Variants in CENPF observed in about 807,000 individuals in gnomAD.
CENPF encodes the protein AH antigen.
A neutral mutation model predicts 307.3 loss-of-function variants in CENPF; 214 were observed. That is an observed-to-expected ratio of 0.70 (90% CI 0.62 to 0.78). CENPF has a LOEUF of 0.78. Among genes scored for constraint, CENPF ranks in the 30% least tolerant of loss-of-function variants. The pLI, the probability that CENPF is intolerant of heterozygous loss-of-function variation, is 0.00. For synonymous variants in CENPF, 1,259 were observed against 1,270.6 expected (o/e 0.99, Z 0.19); for missense variants, 3,401 against 3,483.9 (o/e 0.98, Z 0.60).
intron 16 of CENPF, chr1:214,654,220 G>A (rs1329952785): frequency 2.0e-5 from 3 of 152,000 alleles, no homozygotes; most frequent in Admixed American, 2.0e-4. Flanking sequence ...TTGCATAATC[G>A]AATTCATATT....
intron 10 of CENPF, among the ~76,000 whole-genome samples, chr1:214,636,618 C>T (rs1657973747): frequency 1.3e-5 from 2 of 152,190 alleles, no homozygotes; most frequent in Admixed American, 6.5e-5. Flanking sequence ...TTTGCTACAT[C>T]GGTACCCATC....
intron 16 of CENPF, chr1:214,653,749 T>C (rs940234118): frequency 1.3e-5 from 2 of 152,224 alleles, no homozygotes; most frequent in African/African-American, 4.8e-5. Context: ...ATGGCTCTTA[T>C]ACAACTATCA....
intron 1 of CENPF, chr1:214,605,686 G>A: frequency 6.3e-7 from 1 of 1,588,876 alleles, no homozygotes; most frequent in East Asian, 2.2e-5. Flanking sequence ...TAGGCGAGCT[G>A]GCTGGCAGCT....
At chr1:214,632,374 G>A in intron 9 of CENPF, 106 bp from the exon 10 acceptor site, 1 of 1,229,248 alleles carries the variant, frequency 8.1e-7, no homozygotes, top group East Asian at 2.4e-5. Flanking sequence ...CAAAATAGAT[G>A]GCATCCATTT....
chr1:214,656,034 A>C (rs1658623484), intron 17 of CENPF, among the ~76,000 whole-genome samples: 1 of 152,174 alleles, frequency 6.6e-6, no homozygotes, highest in Non-Finnish European at 1.5e-5. Flanking sequence ...TTGTCAATAG[A>C]TTGGCATCAG....
intron 14 of CENPF, among the ~76,000 whole-genome samples, chr1:214,651,339 G>A (rs954426699): frequency 6.6e-6 from 1 of 152,188 alleles, no homozygotes; most frequent in Non-Finnish European, 1.5e-5. Context: ...AGGGGATTTG[G>A]TGTGAAGATG....
At chr1:214,613,597 C>A in intron 1 of CENPF, 117 bp from the exon 2 acceptor site, 1 of 669,498 alleles carries the variant, frequency 1.5e-6, no homozygotes, top group Non-Finnish European at 2.5e-6. Flanking sequence ...ACTTTGTTAT[C>A]TTTTGAAATG....
chr1:214,648,646 G>A (rs373768836), intron 13 of CENPF, 29 bp from the exon 14 acceptor site: 206 of 1,609,610 alleles, frequency 1.3e-4, no homozygotes, highest in Non-Finnish European at 1.6e-4. Flanking sequence ...CCACCAAAAA[G>A]CAGATTCTAA....
In CENPF at chr1:214,646,026, T is replaced by TA. The variant is rs1658289051; in HGVS notation, c.6458dup (p.Asp2154GlyfsTer2). The TA allele has an allele frequency of 3.1e-6, 5 of 1,613,938 alleles. No homozygotes were observed. The highest frequency in any genetic ancestry group is 3.3e-5 in the Admixed American group (2 of 59,992). On this transcript the variant is annotated frameshift_variant, in exon 13 of 20. Transcript: ENST00000366955. LOFTEE classifies it high-confidence loss of function. ...AACGCGAGCGGGAGAATGATTCACT[T>TA]AAGGATAAAGTTGAGAACCTTGAAA...
At position 214,659,030 on chromosome 1, in the gene CENPF, T is replaced by G; in HGVS notation, c.9141+2T>G. 5.0e-6 allele frequency: 8 copies of G among 1,613,866 alleles called. No homozygotes were observed. The highest frequency in any genetic ancestry group is 6.8e-6 in the Non-Finnish European group (8 of 1,179,926). The stretch of plus-strand genomic sequence containing the variant: ...GCTGGTGGCAGCAGATCACAAAAGG[T>G]AAACTACTGTCAACATCCGTCTACT... On this transcript the variant is annotated splice_donor_variant, in intron 19 of 19. Transcript: ENST00000366955. LOFTEE classifies it high-confidence loss of function. This position sits in a 1 kb window ranked among gnomAD's most constrained non-coding sequence, Gnocchi z 4.4.
chr1:214,620,788 C>T lies in CENPF; in HGVS notation c.707C>T (p.Pro236Leu), dbSNP rs1399834970. Reference protein sequence around the residue: ...SHLSSNSQRTPIRRDFSASYF... With the variant: ...SHLSSNSQRTLIRRDFSASYF... ...CTTTCATCTAATTCTCAAAGAACTC[C>T]AATTAGGAGAGATTTCTCTGCATCT... Residue 236 changes from proline to leucine, a missense_variant, in exon 6 of 20, where the codon CCA becomes CTA. Transcript: ENST00000366955. 1.9e-6 allele frequency: 3 copies of T among 1,614,110 alleles called. No individual in the cohort carries two copies. Among genetic ancestry groups the T allele is most frequent in the East Asian group, 2.2e-5 (1 of 44,872 alleles).
rs899778444 is a variant in CENPF, at chr1:214,664,027, T to G, written c.*233T>G. 7 of 474,826 alleles carry G rather than the reference T, an allele frequency of 1.5e-5. No individual in the cohort carries two copies. The highest frequency in any genetic ancestry group is 1.2e-4 in the African/African-American group (6 of 52,020). The allele number at this position is 474,826 out of a possible 1,614,324, so 29.4% of individuals were successfully genotyped here. ...TTCCTCTACTGCAATGTAAATAGTA[T>G]AAAGCTATGTATATAAAGCTTTTTG... On this transcript the variant is annotated 3_prime_UTR_variant, in exon 20 of 20. Transcript: ENST00000366955.
Position 214,618,655 on chromosome 1 carries a change from A to T in CENPF, c.442A>T (p.Ile148Phe), listed in dbSNP as rs936369720. The part of the protein sequence containing the change: ...SLNPCNTPQK[I>F]FTTPLTPSQY... Reference sequence around the variant, plus strand: ...GAATCCATGCAATACACCACAAAAAATTTTTACAACTCCACTAACACCAAG... The same window carrying T: ...GAATCCATGCAATACACCACAAAAATTTTTTACAACTCCACTAACACCAAG... The change falls in exon 4 of 20, where the codon ATT becomes TTT. Residue 148 changes from isoleucine (I) to phenylalanine (F), a missense_variant. By Grantham distance (21) the Ile-to-Phe change is conservative (BLOSUM62 0). Transcript: ENST00000366955. 3 of 1,613,894 alleles carry T rather than the reference A, an allele frequency of 1.9e-6. No homozygotes were observed. The highest frequency in any genetic ancestry group is 2.7e-5 in the African/African-American group (2 of 74,920).
In CENPF at chr1:214,664,451, G is replaced by A. The variant is rs1658867232; in HGVS notation, c.*657G>A. 6.6e-6 allele frequency: 1 copy of A among 152,212 alleles called. No individual in the cohort carries two copies. The allele number at this position is 152,212 out of a possible 1,614,324, so 9.4% of individuals were successfully genotyped here. A position where few individuals can be genotyped will look rare whatever the true frequency, so the allele number is the denominator to read the frequency against. On this transcript the variant is annotated 3_prime_UTR_variant, in exon 20 of 20. Coordinates refer to ENST00000366955, the MANE Select transcript of CENPF (RefSeq NM_016343.4). ...TGTGCTATACCATGCGTCTGTCGTT[G>A]TGCTTTTTTCTGTTTTTAGACCAAT...
chr1:214,651,294 G>A (rs1658454031), intron 14 of CENPF, among the ~76,000 whole-genome samples: 2 of 152,222 alleles, frequency 1.3e-5, no homozygotes, highest in East Asian at 1.9e-4. Flanking sequence ...CAGAACTGGA[G>A]TCTAAGCTGG....
In CENPF at chr1:214,645,048, A is replaced by G; in HGVS notation, c.5478A>G (p.Ile1826Met). Reference sequence around the variant, plus strand: ...TAATGACCAAAATTGAAGCATGCATAGAATTGGAAAAAATAGTTGGGGAAC... The same window carrying G: ...TAATGACCAAAATTGAAGCATGCATGGAATTGGAAAAAATAGTTGGGGAAC... ...VQLMTKIEAC[I>M]ELEKIVGELK... Residue 1826 changes from isoleucine (I) to methionine (M), a missense_variant, in exon 13 of 20, where the codon ATA becomes ATG. Ile to Met is a conservative substitution (Grantham distance 10). Transcript: ENST00000366955. 1.2e-6 allele frequency: 2 copies of G among 1,613,870 alleles called. No individual in the cohort carries two copies. The highest frequency in any genetic ancestry group is 8.5e-7 in the Non-Finnish European group (1 of 1,179,970).
At chr1:214,638,895 T>G (rs1658031721) in intron 11 of CENPF, among the ~76,000 whole-genome samples, 1 of 152,248 alleles carries the variant, frequency 6.6e-6, no homozygotes, top group South Asian at 2.1e-4. Context: ...TTCAGCTTTC[T>G]TGAAGGGAAA....
chr1:214,632,823 CATCTAGCAATTATAGCAT>C (rs1452229539), intron 10 of CENPF, among the ~76,000 whole-genome samples: 1 of 152,148 alleles, frequency 6.6e-6, no homozygotes, highest in Admixed American at 6.5e-5. Context: ...TACTAATATG[CATCTAGCAATTATAGCAT>C]ATCTAGCAAT....
At position 214,622,077 on chromosome 1, in the gene CENPF, A is replaced by G; in HGVS notation, c.866-2A>G. On this transcript the variant is annotated splice_acceptor_variant, in intron 6 of 19. Transcript: ENST00000366955. LOFTEE classifies it high-confidence loss of function. ...GAGTGTGATTTTTGTTTGTGGTTCAAGAGCTAAGAAACAAGATTAATGAGT... is the reference window on the plus strand; with the variant it reads ...GAGTGTGATTTTTGTTTGTGGTTCAGGAGCTAAGAAACAAGATTAATGAGT... 1.9e-6 allele frequency: 3 copies of G among 1,611,176 alleles called. No homozygotes were observed. Among genetic ancestry groups the G allele is most frequent in the Non-Finnish European group, 2.5e-6 (3 of 1,178,924 alleles).
Sources: allele counts gnomAD v4.1 joint callset (sites outside exome capture counted in the v4.1 genomes callset), GRCh38; gene constraint gnomAD v4.1.1; non-coding constraint Gnocchi (gnomAD v3.1); transcripts MANE v1.5; gene names NCBI Gene and HGNC (gene_info 2026-07-23, HGNC 2026-07-21).